ARL8B: variants seen among roughly 807,000 people sequenced by gnomAD.
ARL8B encodes ARF like GTPase 8B.
Under a neutral mutation model 30.6 loss-of-function variants are expected in ARL8B, and 9 were observed. That is an observed-to-expected ratio of 0.29 (90% CI 0.18 to 0.51). The LOEUF is 0.51. Ranked by LOEUF, ARL8B falls within the 20% of genes least tolerant of loss-of-function variation. The probability of loss-of-function intolerance (pLI) is 0.97; values close to 1 mark genes in which losing one functional copy is unlikely to be tolerated. For missense variants in ARL8B, 130 were observed against 227.2 expected, an observed-to-expected ratio of 0.57 and a Z score of 2.75; for synonymous variants, 74 against 76.0, an observed-to-expected ratio of 0.97 and a Z score of 0.14.
intron 1 of ARL8B, among the ~76,000 whole-genome samples, chr3:5,169,488 A>G (rs532965731): frequency 2.6e-5 from 4 of 151,544 alleles, no homozygotes; most frequent in Middle Eastern, 3.5e-3. Flanking sequence ...CATAGCAGCT[A>G]TACCATTTTG....
At chr3:5,158,032 A>G (rs552650432) in intron 1 of ARL8B, among the ~76,000 whole-genome samples, 14 of 151,856 alleles carry the variant, frequency 9.2e-5, no homozygotes, top group African/African-American at 2.4e-4. Flanking sequence ...CTGGAGTGCA[A>G]TGGAGCGATC....
At chr3:5,123,871 T>G (rs1045542463) in intron 1 of ARL8B, among the ~76,000 whole-genome samples, 20 of 152,124 alleles carry the variant, frequency 1.3e-4, no homozygotes, top group South Asian at 4.1e-4. Context: ...TCTAGTAGTA[T>G]TATTATTAAT....
In ARL8B at chr3:5,143,834, G is replaced by T. The variant is rs192685196; in HGVS notation, c.123+21246G>T. On this transcript the variant is annotated intron_variant, in intron 1 of 6. Coordinates refer to ENST00000256496, the MANE Select transcript of ARL8B (RefSeq NM_018184.3). ...TATAATTTCTTAAGAATTGATCCTTGGTTTCCAAAGTAGGAAGATCTGTAG... is the reference window on the plus strand; with the variant it reads ...TATAATTTCTTAAGAATTGATCCTTTGTTTCCAAAGTAGGAAGATCTGTAG... Among the ~76,000 whole-genome samples, 1,116 of 152,300 alleles carry T rather than the reference G, an allele frequency of 7.3e-3. 7 individuals carry two copies. Among genetic ancestry groups the T allele is most frequent in the Non-Finnish European group, 0.013 (905 of 68,034 alleles).
chr3:5,128,707 A>G (rs2054254199), intron 1 of ARL8B: 2 of 209,632 alleles, frequency 9.5e-6, no homozygotes, highest in African/African-American at 2.4e-5. Context: ...ATACAGGCTC[A>G]TTAGCGGAGA....
Position 5,172,236 on chromosome 3 carries a change from T to G in ARL8B, c.278+13T>G. On this transcript the variant is annotated intron_variant, in intron 3 of 6. Transcript: ENST00000256496. Reference sequence around the variant, plus strand: ...TCAATGCTATTGTGTAAGTGGTTTTTTTTTGTTTGTTTGCTTTTAAATCAA... The same window carrying G: ...TCAATGCTATTGTGTAAGTGGTTTTGTTTTGTTTGTTTGCTTTTAAATCAA... 1.2e-6 allele frequency: 2 copies of G among 1,601,836 alleles called. No homozygotes were observed. Among genetic ancestry groups the G allele is most frequent in the Non-Finnish European group, 1.7e-6 (2 of 1,174,540 alleles).
At chr3:5,176,749 T>A (rs966756924) in intron 6 of ARL8B, among the ~76,000 whole-genome samples, 3 of 152,172 alleles carry the variant, frequency 2.0e-5, no homozygotes, top group Non-Finnish European at 4.4e-5. Flanking sequence ...TATTTAAAAG[T>A]TTTTTCTCTA....
intron 1 of ARL8B, among the ~76,000 whole-genome samples, chr3:5,147,586 G>A (rs1456276493): frequency 6.6e-6 from 1 of 152,002 alleles, no homozygotes; most frequent in Non-Finnish European, 1.5e-5. Flanking sequence ...CCTTTGAGGG[G>A]GATTTTGATT....
Position 5,179,525 on chromosome 3 carries a change from C to T in ARL8B, c.*812C>T, listed in dbSNP as rs1170425774. 6 of 152,464 alleles carry T rather than the reference C, an allele frequency of 3.9e-5. No homozygotes were observed. The highest frequency in any genetic ancestry group is 1.5e-5 in the Non-Finnish European group (1 of 68,002). 9.4% of individuals were successfully genotyped at this position (152,464 alleles called of 1,614,324 possible). On this transcript the variant is annotated 3_prime_UTR_variant, in exon 7 of 7. Coordinates refer to ENST00000256496, the MANE Select transcript of ARL8B (RefSeq NM_018184.3). ...TTGAGAATTGAAGATTTTCCAAAAG[C>T]GTTCATGAATTTAGAGCATTCCACC... is the stretch of plus-strand genomic sequence containing the variant.
At chr3:5,137,869 C>T (rs932406466) in intron 1 of ARL8B, among the ~76,000 whole-genome samples, 5 of 151,830 alleles carry the variant, frequency 3.3e-5, no homozygotes, top group East Asian at 1.9e-4. Context: ...ATTACAGGCA[C>T]GAGCCACTGT....
chr3:5,142,777 T>G (rs2054385789), intron 1 of ARL8B, among the ~76,000 whole-genome samples: 1 of 152,190 alleles, frequency 6.6e-6, no homozygotes, highest in Admixed American at 6.5e-5. Flanking sequence ...AATCACCCTA[T>G]GGGGTCTTTC....
chr3:5,170,587 A>G lies in ARL8B; in HGVS notation c.204+4A>G. 1.2e-6 allele frequency: 2 copies of G among 1,604,400 alleles called. No homozygotes were observed. Among genetic ancestry groups the G allele is most frequent in the Non-Finnish European group, 1.7e-6 (2 of 1,172,346 alleles). On this transcript the variant is annotated splice_donor_region_variant and intron_variant, in intron 2 of 6. Transcript: ENST00000256496. ...TAAAGGTAACGTCACAATAAAGGTA[A>G]GTTATTTCTTGCCGTACGCAATTTA...
intron 6 of ARL8B, among the ~76,000 whole-genome samples, chr3:5,174,716 T>TTATATATTATATGTAATATATATGTAA (rs2054711781): frequency 1.5e-5 from 1 of 68,648 alleles, no homozygotes; most frequent in South Asian, 3.7e-4. Flanking sequence ...GTAATATGTA[T>TTATATATTATATGTAATATATATGTAA]TATATATTAT....
At chr3:5,130,888 G>A (rs542730051) in intron 1 of ARL8B, among the ~76,000 whole-genome samples, 15 of 151,710 alleles carry the variant, frequency 9.9e-5, no homozygotes, top group Non-Finnish European at 1.3e-4. Context: ...TTAAAATCTA[G>A]GCTACACACA....
At chr3:5,141,439 T>C (rs1215998761) in intron 1 of ARL8B, among the ~76,000 whole-genome samples, 8 of 152,354 alleles carry the variant, frequency 5.3e-5, no homozygotes, top group Admixed American at 2.6e-4. Context: ...TGGTAACTTA[T>C]TGGCATTGTT....
intron 1 of ARL8B, among the ~76,000 whole-genome samples, chr3:5,131,452 G>T (rs971716494): frequency 5.3e-5 from 8 of 150,874 alleles, no homozygotes; most frequent in African/African-American, 1.9e-4. Context: ...GTGCAGTGGC[G>T]CGATCTCGGC....
chr3:5,151,841 C>G (rs2054487412), intron 1 of ARL8B, among the ~76,000 whole-genome samples: 1 of 151,732 alleles, frequency 6.6e-6, no homozygotes. Context: ...ACGTCAGCCT[C>G]AGCCTCTTGA....
chr3:5,136,074 C>T (rs1182659790), intron 1 of ARL8B, among the ~76,000 whole-genome samples: 2 of 151,600 alleles, frequency 1.3e-5, no homozygotes, highest in Admixed American at 1.3e-4. Flanking sequence ...AGGCGTGAGC[C>T]ATCACGCCTG....
chr3:5,142,235 C>G (rs2054380944), intron 1 of ARL8B, among the ~76,000 whole-genome samples: 1 of 152,134 alleles, frequency 6.6e-6, no homozygotes, highest in East Asian at 1.9e-4. Context: ...CATCGCCTGA[C>G]TTACCAGTGA....
At chr3:5,167,736 C>T (rs976759729) in intron 1 of ARL8B, among the ~76,000 whole-genome samples, 8 of 152,106 alleles carry the variant, frequency 5.3e-5, no homozygotes, top group African/African-American at 1.4e-4. Flanking sequence ...CTTAGTATTA[C>T]GTGTTTGTTA....
Sources: allele counts gnomAD v4.1 joint callset (sites outside exome capture counted in the v4.1 genomes callset), GRCh38; gene constraint gnomAD v4.1.1; transcripts MANE v1.5; gene names NCBI Gene and HGNC (gene_info 2026-07-23, HGNC 2026-07-21).